Variants in PRKN observed in about 807,000 individuals in gnomAD.
PRKN encodes parkin RBR E3 ubiquitin protein ligase, also known as E3 ubiquitin-protein ligase parkin.
PRKN carries 56 observed loss-of-function variants against 59.5 expected under a neutral mutation model. The observed-to-expected ratio is 0.94, with a 90% CI of 0.76 to 1.18. The LOEUF (loss-of-function observed/expected upper bound fraction) is 1.18. Ranked by LOEUF, PRKN falls within the 50% of genes most tolerant of loss-of-function variation. PRKN has a pLI of 0.00. For synonymous variants in PRKN, 250 were observed against 222.1 expected (o/e 1.13, Z -1.12); for missense variants, 657 against 596.4 (o/e 1.10, Z -1.06).
chr6:161,705,601 A>G (rs1786454153), intron 7 of PRKN, among the ~76,000 whole-genome samples: 1 of 152,184 alleles, frequency 6.6e-6, no homozygotes, highest in African/African-American at 2.4e-5. Context: ...TTGATATATA[A>G]TAATTCTCTG....
At chr6:162,683,763 G>T (rs1359186814) in intron 1 of PRKN, among the ~76,000 whole-genome samples, 2 of 151,972 alleles carry the variant, frequency 1.3e-5, no homozygotes, top group African/African-American at 4.8e-5. Context: ...TGAGGAGGCA[G>T]AAACAGGAAA....
At chr6:162,336,636 T>G (rs1462226959) in intron 2 of PRKN, among the ~76,000 whole-genome samples, 1 of 152,220 alleles carries the variant, frequency 6.6e-6, no homozygotes, top group African/African-American at 2.4e-5. Flanking sequence ...GGGACGCAGG[T>G]GCTGCAGGTT....
chr6:162,223,444 A>G (rs1395422471), intron 3 of PRKN, among the ~76,000 whole-genome samples: 1 of 151,976 alleles, frequency 6.6e-6, no homozygotes, highest in African/African-American at 2.4e-5. Flanking sequence ...CAGCAGTATA[A>G]ACTGCAGTAA....
chr6:161,401,081 C>G lies in PRKN; in HGVS notation c.1084-14204G>C, dbSNP rs1308343276. ...ATAAACACGAAGTCATAGAAATCCA[C>G]CATTCACGTAAGTTTTGGCCTGGTG... On this transcript the variant is annotated intron_variant, in intron 9 of 11. Transcript: ENST00000366898. This position sits in a 1 kb window ranked among gnomAD's most constrained non-coding sequence, Gnocchi z 4.4. 6.6e-6 allele frequency among the ~76,000 whole-genome samples: 1 copy of G among 152,144 alleles called. No homozygotes were observed. Among genetic ancestry groups the G allele is most frequent in the East Asian group, 1.9e-4 (1 of 5,178 alleles).
chr6:162,553,198 C>T (rs1191282493), intron 1 of PRKN, among the ~76,000 whole-genome samples: 1 of 152,106 alleles, frequency 6.6e-6, no homozygotes, highest in African/African-American at 2.4e-5. Flanking sequence ...AAGGAACAAC[C>T]TCTTTGATGA....
chr6:162,225,521 C>G (rs12662431), intron 3 of PRKN, among the ~76,000 whole-genome samples: 63,374 of 152,000 alleles, frequency 0.42, 15,113 homozygotes, highest in East Asian at 0.8. Flanking sequence ...CTAAGTTAAT[C>G]TAACCTTCTT....
chr6:161,755,994 T>C (rs1788900712), intron 7 of PRKN, among the ~76,000 whole-genome samples: 1 of 152,024 alleles, frequency 6.6e-6, no homozygotes, highest in Non-Finnish European at 1.5e-5. Flanking sequence ...CAATTGACAA[T>C]TAGCAATCAG....
intron 6 of PRKN, among the ~76,000 whole-genome samples, chr6:161,799,153 G>A (rs1790976533): frequency 6.6e-6 from 1 of 152,196 alleles, no homozygotes; most frequent in East Asian, 1.9e-4. Flanking sequence ...CCAAGCCTAA[G>A]TTACTTCCTA....
intron 7 of PRKN, among the ~76,000 whole-genome samples, chr6:161,664,071 G>A (rs1319538153): frequency 6.6e-6 from 1 of 152,156 alleles, no homozygotes; most frequent in African/African-American, 2.4e-5. Flanking sequence ...CCCATTTCTG[G>A]TAAGTCACTC....
At chr6:162,368,853 G>A (rs1351502333) in intron 2 of PRKN, among the ~76,000 whole-genome samples, 1 of 152,174 alleles carries the variant, frequency 6.6e-6, no homozygotes, top group Non-Finnish European at 1.5e-5. Flanking sequence ...AGCCAAACCT[G>A]TGTCTCTGCT....
chr6:162,236,017 GA>G (rs201254717), intron 3 of PRKN, among the ~76,000 whole-genome samples: 2 of 149,264 alleles, frequency 1.3e-5, no homozygotes, highest in Non-Finnish European at 3.0e-5. Context: ...AAGAAAGAAA[GA>G]AAGAAACTCC....
rs1785895486 is a variant in PRKN, at chr6:161,379,956, C to A, written c.1167+6838G>T. Among the ~76,000 whole-genome samples the A allele has an allele frequency of 6.6e-6, 1 of 152,214 alleles. No individual in the cohort carries two copies. Among genetic ancestry groups the A allele is most frequent in the Non-Finnish European group, 1.5e-5 (1 of 68,042 alleles). On this transcript the variant is annotated intron_variant, in intron 10 of 11. Transcript: ENST00000366898. The surrounding 1 kb of genome is among the most constrained non-coding windows in gnomAD (Gnocchi z 4.9). ...TTCGAAAGCACCCATCTGATGACGT[C>A]AATCTTTAAAAAATCTCCAGATGCC...
In PRKN at chr6:161,376,403, C is replaced by G. The variant is rs1264166232; in HGVS notation, c.1167+10391G>C. 6.6e-6 allele frequency among the ~76,000 whole-genome samples: 1 copy of G among 152,212 alleles called. No individual in the cohort carries two copies. The highest frequency in any genetic ancestry group is 1.5e-5 in the Non-Finnish European group (1 of 68,030). ...CCTGCTTTTGTTTCTGTCTCCTCTT[C>G]CAGCCAATGGCACCACCATCGTTCT... On this transcript the variant is annotated intron_variant, in intron 10 of 11. Transcript: ENST00000366898. The surrounding 1 kb of genome is among the most constrained non-coding windows in gnomAD (Gnocchi z 7.3).
chr6:161,738,019 C>T (rs917498316), intron 7 of PRKN, among the ~76,000 whole-genome samples: 4 of 152,132 alleles, frequency 2.6e-5, no homozygotes, highest in Non-Finnish European at 4.4e-5. Context: ...TTGAACCTGG[C>T]CTGCCTTGAT....
chr6:162,318,278 A>G (rs999014969), intron 2 of PRKN, among the ~76,000 whole-genome samples: 1 of 152,102 alleles, frequency 6.6e-6, no homozygotes, highest in East Asian at 1.9e-4. Flanking sequence ...ATATCAGAAT[A>G]TGAAAAATGC....
In PRKN at chr6:162,271,016, G is replaced by GTTTTT. The variant is rs61368267; in HGVS notation, c.172-8256_172-8252dup. Among the ~76,000 whole-genome samples the GTTTTT allele has an allele frequency of 8.8e-4, 95 of 108,230 alleles. 1 individual carries two copies. The highest frequency in any genetic ancestry group is 2.7e-3 in the African/African-American group (69 of 26,006). The allele number at this position is 108,230 out of a possible 152,430, so 71.0% of individuals were successfully genotyped here. A position where few individuals can be genotyped will look rare whatever the true frequency, so the allele number is the denominator to read the frequency against. On this transcript the variant is annotated intron_variant, in intron 2 of 11. Coordinates refer to ENST00000366898, the MANE Select transcript of PRKN (RefSeq NM_004562.3). ...GCCACTACACCTAGCTAATTTTCTAGTTTTTTTTTTTTTTTTTTTTTGTAG... is the reference window on the plus strand; with the variant it reads ...GCCACTACACCTAGCTAATTTTCTAGTTTTTTTTTTTTTTTTTTTTTTTTTTGTAG...
intron 8 of PRKN, among the ~76,000 whole-genome samples, chr6:161,565,524 C>G (rs867767705): frequency 1.4e-4 from 22 of 152,062 alleles, no homozygotes; most frequent in African/African-American, 5.3e-4. Context: ...TGAGTCCTCA[C>G]GAGATCTGAT....
At chr6:161,351,872 A>C (rs1419656639) in intron 11 of PRKN, among the ~76,000 whole-genome samples, 1 of 152,198 alleles carries the variant, frequency 6.6e-6, no homozygotes. Context: ...TGTCATTCAC[A>C]GAACAGGTTA....
intron 1 of PRKN, among the ~76,000 whole-genome samples, chr6:162,517,273 A>G (rs1346770942): frequency 7.0e-6 from 1 of 143,026 alleles, no homozygotes; most frequent in African/African-American, 2.6e-5. Context: ...TTTGAGACGG[A>G]GTCCCGCTCT....
Sources: gnomAD v4.1 joint callset for allele counts (sites outside exome capture counted in the v4.1 genomes callset) on GRCh38, gnomAD v4.1.1 for gene constraint, Gnocchi (gnomAD v3.1) non-coding constraint, MANE v1.5 for transcripts, NCBI Gene and HGNC (gene_info 2026-07-23, HGNC 2026-07-21) for gene names.